SYT1: variants seen among roughly 807,000 people sequenced by gnomAD.
SYT1 encodes synaptotagmin 1.
A neutral mutation model predicts 44.8 loss-of-function variants in SYT1; 8 were observed. That is an observed-to-expected ratio of 0.18 (90% CI 0.10 to 0.32). The LOEUF is 0.32. Among genes scored for constraint, SYT1 ranks in the 10% least tolerant of loss-of-function variants. The pLI, the probability that SYT1 is intolerant of heterozygous loss-of-function variation, is 1.00. For missense variants in SYT1, 286 were observed against 509.3 expected (o/e 0.56, Z 4.22); for synonymous variants, 154 against 188.8 (o/e 0.82, Z 1.51).
chr12:79,378,144 G>A (rs192605961), intron 9 of SYT1, among the ~76,000 whole-genome samples: 2 of 152,214 alleles, frequency 1.3e-5, no homozygotes, highest in Non-Finnish European at 2.9e-5. Context: ...TAATTCACTT[G>A]CTAGATTATC....
At chr12:79,044,935 C>T (rs575950140) in intron 2 of SYT1, among the ~76,000 whole-genome samples, 23 of 152,200 alleles carry the variant, frequency 1.5e-4, no homozygotes, top group East Asian at 3.9e-4. Context: ...CCAGTTAGGC[C>T]GCTCGGGGGT....
At chr12:79,221,011 C>T (rs1249424707) in intron 4 of SYT1, among the ~76,000 whole-genome samples, 1 of 152,042 alleles carries the variant, frequency 6.6e-6, no homozygotes, top group Non-Finnish European at 1.5e-5. Flanking sequence ...CTGTCCATTA[C>T]TGAAAATGGG....
At chr12:79,349,966 A>G (rs1042109381) in intron 8 of SYT1, among the ~76,000 whole-genome samples, 3 of 152,112 alleles carry the variant, frequency 2.0e-5, no homozygotes, top group African/African-American at 7.2e-5. Flanking sequence ...CTAGAACAAG[A>G]CTCTAGGGAC....
chr12:79,448,882 C>G (rs760307863), intron 10 of SYT1, 36 bp from the exon 11 acceptor site: 1 of 1,599,876 alleles, frequency 6.3e-7, no homozygotes, highest in Non-Finnish European at 8.6e-7. Flanking sequence ...ATCTCTAGAG[C>G]TAGATGATTC....
intron 9 of SYT1, among the ~76,000 whole-genome samples, chr12:79,363,092 T>C (rs1883382082): frequency 1.3e-5 from 2 of 152,166 alleles, no homozygotes; most frequent in Non-Finnish European, 1.5e-5. Flanking sequence ...CATCCTTCAG[T>C]TGGCCACTTC....
intron 1 of SYT1, among the ~76,000 whole-genome samples, chr12:78,908,074 A>G (rs1338266041): frequency 6.6e-6 from 1 of 152,012 alleles, no homozygotes; most frequent in African/African-American, 2.4e-5. Context: ...AATCACACCA[A>G]GCTATTAAAA....
intron 4 of SYT1, among the ~76,000 whole-genome samples, chr12:79,222,455 C>T (rs373692731): frequency 6.6e-6 from 1 of 151,642 alleles, no homozygotes. Flanking sequence ...GATCTTGCCT[C>T]ACTGCAACCT....
chr12:79,369,595 C>A (rs917768055), intron 9 of SYT1, among the ~76,000 whole-genome samples: 1 of 152,136 alleles, frequency 6.6e-6, no homozygotes, highest in African/African-American at 2.4e-5. Flanking sequence ...CAATAGGATT[C>A]AATACAATAG....
intron 3 of SYT1, among the ~76,000 whole-genome samples, chr12:79,071,642 C>T (rs1388675944): frequency 6.6e-6 from 1 of 152,188 alleles, no homozygotes; most frequent in Middle Eastern, 3.2e-3. Context: ...TTCCTCTGAA[C>T]TCCTTTAGGG....
At chr12:78,920,423 A>G (rs1240057366) in intron 1 of SYT1, among the ~76,000 whole-genome samples, 1 of 152,018 alleles carries the variant, frequency 6.6e-6, no homozygotes, top group East Asian at 1.9e-4. Context: ...GCCATCATCT[A>G]TGAATGCACA....
intron 3 of SYT1, among the ~76,000 whole-genome samples, chr12:79,142,003 C>A (rs1034522727): frequency 1.3e-5 from 2 of 152,174 alleles, no homozygotes; most frequent in Admixed American, 6.5e-5. Context: ...GGGGAATGCC[C>A]TTGAATGTGC....
intron 4 of SYT1, among the ~76,000 whole-genome samples, chr12:79,250,923 G>A (rs1016874718): frequency 1.3e-5 from 2 of 152,076 alleles, no homozygotes; most frequent in African/African-American, 4.8e-5. Context: ...TTGGTTATCT[G>A]GCAGCTCAAG....
At chr12:79,434,039 G>A (rs1025666424) in intron 9 of SYT1, among the ~76,000 whole-genome samples, 5 of 152,262 alleles carry the variant, frequency 3.3e-5, no homozygotes, top group Non-Finnish European at 7.4e-5. Context: ...ATGACTGTTG[G>A]AATTCAATGG....
At chr12:79,370,836 T>C (rs1319528318) in intron 9 of SYT1, among the ~76,000 whole-genome samples, 2 of 152,070 alleles carry the variant, frequency 1.3e-5, no homozygotes, top group Non-Finnish European at 2.9e-5. Flanking sequence ...CCTACCTACC[T>C]GCCATAGGTT....
At chr12:79,324,665 G>A (rs992844247) in intron 8 of SYT1, among the ~76,000 whole-genome samples, 10 of 152,182 alleles carry the variant, frequency 6.6e-5, no homozygotes, top group Admixed American at 5.2e-4. Flanking sequence ...GCACCCCTGC[G>A]GTGCATCTGT....
intron 1 of SYT1, among the ~76,000 whole-genome samples, chr12:78,937,328 T>C (rs563842682): frequency 1.3e-5 from 2 of 152,156 alleles, no homozygotes; most frequent in South Asian, 4.1e-4. Context: ...TCCTTTACTC[T>C]GCTATCCACT....
At chr12:79,289,167 A>C (rs2138840824) in intron 5 of SYT1, among the ~76,000 whole-genome samples, 1 of 152,338 alleles carries the variant, frequency 6.6e-6, no homozygotes, top group Non-Finnish European at 1.5e-5. Context: ...TTGCAAACAA[A>C]GCACCTGTTG....
At chr12:79,248,376 T>C (rs1018322816) in intron 4 of SYT1, among the ~76,000 whole-genome samples, 10 of 152,196 alleles carry the variant, frequency 6.6e-5, no homozygotes, top group African/African-American at 2.4e-4. Context: ...GAACCTCTAT[T>C]GTACCTGACA....
chr12:79,338,282 T>TTTTTTC (rs908023492), intron 8 of SYT1, among the ~76,000 whole-genome samples: 2 of 151,468 alleles, frequency 1.3e-5, no homozygotes, highest in Non-Finnish European at 2.9e-5. Context: ...TTTCCTTTTT[T>TTTTTTC]TTTTTCTTTT....
Sources: allele counts gnomAD v4.1 joint callset (sites outside exome capture counted in the v4.1 genomes callset), GRCh38; gene constraint gnomAD v4.1.1; transcripts MANE v1.5; gene names NCBI Gene and HGNC (gene_info 2026-07-23, HGNC 2026-07-21).